Variants in NLRP1 observed in about 807,000 individuals in gnomAD.
The protein encoded by NLRP1 is NLR family pyrin domain containing 1.
NLRP1 carries 94 observed loss-of-function variants against 136.7 expected under a neutral mutation model. That is an observed-to-expected ratio of 0.69 (90% CI 0.58 to 0.82). NLRP1 has a LOEUF of 0.82. Ranked by LOEUF, NLRP1 falls within the 40% of genes least tolerant of loss-of-function variation. The pLI is 0.00. For missense variants in NLRP1, 1,575 were observed against 1,802.7 expected (o/e 0.87, Z 2.29); for synonymous variants, 690 against 725.1 (o/e 0.95, Z 0.78).
At chr17:5,582,325 C>A in intron 2 of NLRP1, among the ~76,000 whole-genome samples, 1 of 152,080 alleles carries the variant, frequency 6.6e-6, no homozygotes, top group East Asian at 1.9e-4. Flanking sequence ...ACTTCTGGAC[C>A]ACCCTGACCC....
chr17:5,583,863 G>A lies in NLRP1; in HGVS notation c.95C>T (p.Ala32Val), dbSNP rs201338083. ...KEFQLLLANKAHSRSSSGETP... is the reference protein window; with the variant it reads ...KEFQLLLANKVHSRSSSGETP... ...CTCACCCGAAGAGCTCCTGGAGTGC[G>A]CTTTATTGGCGAGCAGAAGCTGGAA... The change falls in exon 1 of 17, where the codon GCG (alanine) becomes GTG (valine). Residue 32 changes from alanine (A) to valine (V), a missense_variant. By Grantham distance (64) the Ala-to-Val change is moderately conservative (BLOSUM62 0). Transcript: ENST00000572272. This position sits in a 1 kb window ranked among gnomAD's most constrained non-coding sequence, Gnocchi z 4.5. 2.7e-5 allele frequency: 43 copies of A among 1,582,054 alleles called. No homozygotes were observed. The highest frequency in any genetic ancestry group is 5.4e-5 in the Admixed American group (3 of 55,744).
intron 13 of NLRP1, 28 bp from the exon 14 acceptor site, chr17:5,521,040 G>A: frequency 6.3e-7 from 1 of 1,576,010 alleles, no homozygotes; most frequent in South Asian, 1.2e-5. Context: ...CAATGATTAA[G>A]GGAGGCTTCT....
At chr17:5,545,301 C>G (rs1912427978) in intron 5 of NLRP1, among the ~76,000 whole-genome samples, 1 of 151,324 alleles carries the variant, frequency 6.6e-6, no homozygotes, top group Non-Finnish European at 1.5e-5. Context: ...GAGCGAAACC[C>G]CAATTCCCCC....
intron 4 of NLRP1, among the ~76,000 whole-genome samples, chr17:5,556,460 C>T (rs1487919397): frequency 1.0e-5 from 1 of 96,896 alleles, no homozygotes; most frequent in African/African-American, 3.6e-5. Flanking sequence ...TCTCAGACAA[C>T]AACAAACCAA....
In NLRP1 at chr17:5,537,602, G is replaced by A. The variant is rs992370263; in HGVS notation, c.2871-662C>T. On this transcript the variant is annotated intron_variant, in intron 7 of 16. Transcript: ENST00000572272. This position sits in a 1 kb window ranked among gnomAD's most constrained non-coding sequence, Gnocchi z 4.5. ...CCTGTTCTGAGGCCCAGACAAGGAG[G>A]CGGTGAAAAGACCCTGTCTTCTGCG... Among the ~76,000 whole-genome samples, 7 of 152,190 alleles carry A rather than the reference G, an allele frequency of 4.6e-5. No individual in the cohort carries two copies. The highest frequency in any genetic ancestry group is 3.9e-4 in the Admixed American group (6 of 15,284).
chr17:5,558,361 A>G lies in NLRP1; in HGVS notation c.2335T>C (p.Trp779Arg). 1.2e-6 allele frequency: 2 copies of G among 1,610,746 alleles called. No homozygotes were observed. Among genetic ancestry groups the G allele is most frequent in the Non-Finnish European group, 1.7e-6 (2 of 1,178,278 alleles). ...CACAGGACTACCATGGTGGGGCTCC[A>G]TGTTGATCTGTGCTGCCTGCCCTCA... ...LIEGRQHRST[W>R]SPTMVVLFRW... is the part of the protein sequence containing the mutation. The change falls in exon 4 of 17, where the codon TGG becomes CGG. Residue 779 changes from tryptophan to arginine, a missense_variant. Trp to Arg is a moderately radical substitution (Grantham distance 101, BLOSUM62 -3). Coordinates refer to ENST00000572272, the MANE Select transcript of NLRP1 (RefSeq NM_033004.4).
chr17:5,549,330 G>A (rs2080640233), intron 5 of NLRP1, among the ~76,000 whole-genome samples: 1 of 151,190 alleles, frequency 6.6e-6, no homozygotes, highest in African/African-American at 2.4e-5. Flanking sequence ...CCAGGTTGGA[G>A]TGCAGTGGCA....
At chr17:5,546,205 A>G (rs1912637531) in intron 5 of NLRP1, among the ~76,000 whole-genome samples, 1 of 152,198 alleles carries the variant, frequency 6.6e-6, no homozygotes, top group South Asian at 2.1e-4. Context: ...TTCACTCATC[A>G]GTATCATGGA....
At chr17:5,545,431 GAGAC>G (rs1274698108) in intron 5 of NLRP1, among the ~76,000 whole-genome samples, 2 of 139,208 alleles carry the variant, frequency 1.4e-5, no homozygotes, top group African/African-American at 5.5e-5. Flanking sequence ...GACATACACA[GAGAC>G]ACACACTTTG....
Position 5,564,340 on chromosome 17 carries a change from C to G in NLRP1, c.653-4297G>C, listed in dbSNP as rs189870936. Among the ~76,000 whole-genome samples the G allele has an allele frequency of 2.6e-5, 4 of 152,262 alleles. No individual in the cohort carries two copies. In the East Asian group the frequency reaches 7.7e-4, roughly 29 times the overall value. Reference sequence around the variant, plus strand: ...ACCCACTAACTATCCCCACCTTTCCCTCTTGCCCCCCACTACTTTTCTCAG... The same window carrying G: ...ACCCACTAACTATCCCCACCTTTCCGTCTTGCCCCCCACTACTTTTCTCAG... On this transcript the variant is annotated intron_variant, in intron 3 of 16. Coordinates refer to ENST00000572272, the MANE Select transcript of NLRP1 (RefSeq NM_033004.4).
At chr17:5,534,085 G>A in intron 8 of NLRP1, 97 bp from the exon 9 acceptor site, 1 of 858,286 alleles carries the variant, frequency 1.2e-6, no homozygotes, top group Non-Finnish European at 2.0e-6. Flanking sequence ...CCTCGGGTCG[G>A]GTGCAGTGGC....
chr17:5,565,374 C>T (rs542588805), intron 3 of NLRP1, among the ~76,000 whole-genome samples: 1 of 152,208 alleles, frequency 6.6e-6, no homozygotes, highest in Admixed American at 6.5e-5. Context: ...CTTATATATT[C>T]TGGTTATTAA....
Position 5,556,102 on chromosome 17 carries a change from CTG to C in NLRP1, c.2357+2235_2357+2236del, listed in dbSNP as rs1280695819. 9.4e-3 allele frequency among the ~76,000 whole-genome samples: 1,287 copies of C among 136,272 alleles called. 12 individuals are homozygous for C. Among genetic ancestry groups the C allele is most frequent in the African/African-American group, 0.027 (902 of 33,488 alleles). 89.4% of individuals were successfully genotyped at this position (136,272 alleles called of 152,430 possible). A position where few individuals can be genotyped will look rare whatever the true frequency, so the allele number is the denominator to read the frequency against. On this transcript the variant is annotated intron_variant, in intron 4 of 16. Coordinates refer to ENST00000572272, the MANE Select transcript of NLRP1 (RefSeq NM_033004.4). The stretch of plus-strand genomic sequence containing the variant: ...AGCAAGACTCTGTCTGTCTCTGTCT[CTG>C]TCTCTCTCTCTACACACACACACAC...
At chr17:5,535,920 G>T (rs941868052) in intron 8 of NLRP1, among the ~76,000 whole-genome samples, 10 of 152,166 alleles carry the variant, frequency 6.6e-5, no homozygotes, top group Non-Finnish European at 1.2e-4. Flanking sequence ...GGTGTGTGTG[G>T]TGGTGGTGGT....
At chr17:5,520,586 C>T (rs912154867) in intron 14 of NLRP1, among the ~76,000 whole-genome samples, 1 of 152,186 alleles carries the variant, frequency 6.6e-6, no homozygotes, top group Non-Finnish European at 1.5e-5. Context: ...TGTTCAACTA[C>T]AGGTTTGTTC....
Position 5,553,499 on chromosome 17 carries a change from C to T in NLRP1, c.2415G>A (p.Lys805=). The T allele has an allele frequency of 6.2e-7, 1 of 1,614,212 alleles. No homozygotes were observed. Among genetic ancestry groups the T allele is most frequent in the Non-Finnish European group, 8.5e-7 (1 of 1,180,032 alleles). ...AYWQILFSVL[K]VTRNLKELDL... is the part of the protein sequence containing the mutation. ...CCAGCTCCTTCAGGTTTCTGGTGAC[C>T]TTGAGGACGGAGAAGAGAATCTGCC... Residue 805 remains lysine, a synonymous_variant, in exon 5 of 17, where the codon AAG becomes AAA. Transcript: ENST00000572272.
Position 5,559,506 on chromosome 17 carries a change from T to G in NLRP1, c.1190A>C (p.Gln397Pro), listed in dbSNP as rs200397188. The change falls in exon 4 of 17, where the codon CAG becomes CCG. Residue 397 changes from glutamine (Q) to proline (P), a missense_variant. Physicochemically the swap from Gln to Pro is moderately conservative, Grantham distance 76. Transcript: ENST00000572272. ...CAGCCGCTCTGGCCTAGACAGGATC[T>G]GTCTAATGGGAGCCGGAGTGGCTGT... ...DGTATPAPIRQILSRPERLLF... is the reference protein window; with the variant it reads ...DGTATPAPIRPILSRPERLLF... 2.2e-5 allele frequency: 36 copies of G among 1,614,078 alleles called. No homozygotes were observed. Among genetic ancestry groups the G allele is most frequent in the Non-Finnish European group, 3.1e-5 (36 of 1,180,034 alleles).
chr17:5,574,230 A>C (rs1567670911), intron 3 of NLRP1, among the ~76,000 whole-genome samples: 1 of 152,208 alleles, frequency 6.6e-6, no homozygotes, highest in East Asian at 1.9e-4. Flanking sequence ...AAATGAATGA[A>C]ATGAAGGAAG....
chr17:5,569,806 C>A (rs569344188), intron 3 of NLRP1, among the ~76,000 whole-genome samples: 1 of 152,156 alleles, frequency 6.6e-6, no homozygotes, highest in Non-Finnish European at 1.5e-5. Flanking sequence ...CCCCAAACAA[C>A]AGAATATATA....
Sources: allele counts gnomAD v4.1 joint callset (sites outside exome capture counted in the v4.1 genomes callset), GRCh38; gene constraint gnomAD v4.1.1; non-coding constraint Gnocchi (gnomAD v3.1); transcripts MANE v1.5; gene names NCBI Gene and HGNC (gene_info 2026-07-23, HGNC 2026-07-21).